The following DGKB variants were observed in gnomAD, a reference collection of about 807,000 sequenced individuals.
DGKB encodes the protein diacylglycerol kinase beta, also known as 90 kDa diacylglycerol kinase.
A neutral mutation model predicts 114.3 loss-of-function variants in DGKB; 67 were observed. The observed-to-expected ratio is 0.59, with a 90% CI of 0.48 to 0.72. DGKB has a LOEUF of 0.72. Ranked by LOEUF, DGKB falls within the 30% of genes least tolerant of loss-of-function variation. The pLI is 0.00. For synonymous variants in DGKB, 398 were observed against 323.1 expected (o/e 1.23, Z -2.49); for missense variants, 907 against 975.2 (o/e 0.93, Z 0.93).
intron 12 of DGKB, among the ~76,000 whole-genome samples, chr7:14,677,635 A>G (rs1820097121): frequency 6.6e-6 from 1 of 152,068 alleles, no homozygotes; most frequent in South Asian, 2.1e-4. Flanking sequence ...GTGAGAGCTT[A>G]CCTTGACAAG....
chr7:14,617,955 T>C (rs1162947169), intron 15 of DGKB, among the ~76,000 whole-genome samples: 1 of 151,716 alleles, frequency 6.6e-6, no homozygotes, highest in East Asian at 1.9e-4. Flanking sequence ...CATCATTTAT[T>C]ATCTACCATT....
At chr7:14,292,609 A>G (rs1562858348) in intron 23 of DGKB, among the ~76,000 whole-genome samples, 1 of 152,196 alleles carries the variant, frequency 6.6e-6, no homozygotes, top group Non-Finnish European at 1.5e-5. Context: ...TCCTTAAACC[A>G]GCAGGTGAGA....
At chr7:14,598,496 C>G (rs1341044152) in intron 17 of DGKB, among the ~76,000 whole-genome samples, 1 of 152,190 alleles carries the variant, frequency 6.6e-6, no homozygotes, top group Non-Finnish European at 1.5e-5. Flanking sequence ...GTTTCTTCAG[C>G]ATAGTTGTGT....
intron 1 of DGKB, among the ~76,000 whole-genome samples, chr7:14,886,334 C>G (rs1210366129): frequency 6.6e-6 from 1 of 151,786 alleles, no homozygotes; most frequent in Non-Finnish European, 1.5e-5. Flanking sequence ...TGATACTATT[C>G]TTGAGGTGAC....
At chr7:14,691,751 T>TG (rs1241570046) in intron 9 of DGKB, among the ~76,000 whole-genome samples, 1 of 151,352 alleles carries the variant, frequency 6.6e-6, no homozygotes, top group East Asian at 1.9e-4. Flanking sequence ...AGAGATGGGG[T>TG]GGGGGGCGGA....
intron 2 of DGKB, among the ~76,000 whole-genome samples, chr7:14,770,787 C>T (rs1837294028): frequency 2.0e-5 from 3 of 151,990 alleles, no homozygotes; most frequent in Admixed American, 2.0e-4. Context: ...TCACTAACAG[C>T]TGAACAGACA....
At position 14,352,232 on chromosome 7, in the gene DGKB, A is replaced by G. The variant is rs565503144; in HGVS notation, c.1836-6841T>C. 1.9e-4 allele frequency among the ~76,000 whole-genome samples: 29 copies of G among 152,310 alleles called. 1 individual carries two copies. In the East Asian group the frequency reaches 3.9e-3, roughly 20 times the overall value. On this transcript the variant is annotated intron_variant, in intron 21 of 25. Transcript: ENST00000402815. Reference sequence around the variant, plus strand: ...GTAATTTTTAACCTGAATTACTTTTACAGGACTAAAGAAACTTTTTTTATA... The same window carrying G: ...GTAATTTTTAACCTGAATTACTTTTGCAGGACTAAAGAAACTTTTTTTATA...
At chr7:14,735,919 A>C in intron 5 of DGKB, 122 bp downstream of exon 5, 1 of 515,324 alleles carries the variant, frequency 1.9e-6, no homozygotes, top group Non-Finnish European at 3.3e-6. Context: ...CTTATTGTAA[A>C]AGTCTAAACC....
At chr7:14,392,442 C>T (rs148721856) in intron 21 of DGKB, among the ~76,000 whole-genome samples, 20 of 152,256 alleles carry the variant, frequency 1.3e-4, no homozygotes, top group African/African-American at 4.3e-4. Flanking sequence ...TCTGCATCCT[C>T]ATAATTATCA....
At chr7:14,757,523 A>ATACATATATAATGTATATGTG (rs1383211572) in intron 3 of DGKB, 132 bp downstream of exon 3, 1 of 557,330 alleles carries the variant, frequency 1.8e-6, no homozygotes, top group Admixed American at 3.5e-5. Context: ...CATCTGTATC[A>ATACATATATAATGTATATGTG]TACATATATA....
intron 16 of DGKB, among the ~76,000 whole-genome samples, chr7:14,611,286 T>C (rs1047682626): frequency 2.6e-5 from 4 of 152,166 alleles, no homozygotes; most frequent in Admixed American, 2.6e-4. Context: ...TGCACGACTG[T>C]GTATTATGCC....
chr7:14,244,513 A>G (rs1438918972), intron 23 of DGKB, among the ~76,000 whole-genome samples: 3 of 151,720 alleles, frequency 2.0e-5, no homozygotes, highest in Non-Finnish European at 2.9e-5. Flanking sequence ...AAAGAAAAAA[A>G]AAGAAAAACA....
At chr7:14,546,922 C>A (rs1404521378) in intron 20 of DGKB, among the ~76,000 whole-genome samples, 1 of 152,150 alleles carries the variant, frequency 6.6e-6, no homozygotes, top group Non-Finnish European at 1.5e-5. Flanking sequence ...CATTTTCTTT[C>A]TGTACTTAGT....
intron 2 of DGKB, among the ~76,000 whole-genome samples, chr7:14,815,806 G>A (rs1244583916): frequency 6.6e-6 from 1 of 152,164 alleles, no homozygotes; most frequent in Non-Finnish European, 1.5e-5. Context: ...GTCACAGACT[G>A]TGTACAATCG....
chr7:14,609,868 C>T (rs1475100808), intron 16 of DGKB, among the ~76,000 whole-genome samples: 1 of 151,842 alleles, frequency 6.6e-6, no homozygotes, highest in Non-Finnish European at 1.5e-5. Flanking sequence ...AAGTCAAAAA[C>T]CAGTGGATGC....
intron 23 of DGKB, among the ~76,000 whole-genome samples, chr7:14,286,389 T>C (rs1800878072): frequency 6.6e-6 from 1 of 152,172 alleles, no homozygotes; most frequent in Non-Finnish European, 1.5e-5. Flanking sequence ...AAACTTTGAA[T>C]AGTGAAAGAA....
rs566076206 is a variant in DGKB, at chr7:14,367,658, C to T, written c.1836-22267G>A. On this transcript the variant is annotated intron_variant, in intron 21 of 25. Transcript: ENST00000402815. ...TATATTATATTAGTCTGTTTTCACA[C>T]TGCTCTTAAGAAATACCCAAGACTG... 9.9e-4 allele frequency among the ~76,000 whole-genome samples: 150 copies of T among 152,082 alleles called. 1 individual carries two copies. Among genetic ancestry groups the T allele is most frequent in the African/African-American group, 3.4e-3 (141 of 41,502 alleles).
At chr7:14,732,278 C>G (rs1564044840) in intron 5 of DGKB, among the ~76,000 whole-genome samples, 1 of 151,928 alleles carries the variant, frequency 6.6e-6, no homozygotes, top group Non-Finnish European at 1.5e-5. Flanking sequence ...ACTACCTACT[C>G]TATTCCTGCT....
At chr7:14,739,801 G>A (rs373494859) in intron 4 of DGKB, among the ~76,000 whole-genome samples, 7 of 152,156 alleles carry the variant, frequency 4.6e-5, no homozygotes, top group East Asian at 3.9e-4. Context: ...TCTTTGCTAT[G>A]GCATTTTTCT....
Sources: gnomAD v4.1 joint callset for allele counts (sites outside exome capture counted in the v4.1 genomes callset) on GRCh38, gnomAD v4.1.1 for gene constraint, MANE v1.5 for transcripts, NCBI Gene and HGNC (gene_info 2026-07-23, HGNC 2026-07-21) for gene names.